Variants in PRKN observed in about 807,000 individuals in gnomAD.
The protein encoded by PRKN is E3 ubiquitin-protein ligase parkin.
In PRKN, 56 loss-of-function variants were observed where a neutral mutation model predicts 59.5. The ratio of observed to expected loss-of-function variants is 0.94; its 90% CI spans 0.76 to 1.18. The LOEUF (loss-of-function observed/expected upper bound fraction) is 1.18, where lower values mean the gene tolerates loss of function less well. Ranked by LOEUF, PRKN falls within the 50% of genes most tolerant of loss-of-function variation. PRKN has a pLI of 0.00. For synonymous variants in PRKN, 250 were observed against 222.1 expected, an observed-to-expected ratio of 1.13 and a Z score of -1.12; for missense variants, 657 against 596.4, an observed-to-expected ratio of 1.10 and a Z score of -1.06.
intron 1 of PRKN, among the ~76,000 whole-genome samples, chr6:162,578,541 AT>A (rs1192440193): frequency 6.6e-6 from 1 of 152,242 alleles, no homozygotes; most frequent in East Asian, 1.9e-4. Context: ...AGGACAATGT[AT>A]TTAGGAAAAT....
At position 161,357,506 on chromosome 6, in the gene PRKN, G is replaced by T. The variant is rs1784809367; in HGVS notation, c.1285+2582C>A. On this transcript the variant is annotated intron_variant, in intron 11 of 11. Coordinates refer to ENST00000366898, the MANE Select transcript of PRKN (RefSeq NM_004562.3). This position sits in a 1 kb window ranked among gnomAD's most constrained non-coding sequence, Gnocchi z 5.5. ...GTGGGAACATGGGTGGGTGTTTAAG[G>T]ATCCCCTTTCCCTCCCCACTGCAGA... Among the ~76,000 whole-genome samples, 1 of 152,144 alleles carries T rather than the reference G, an allele frequency of 6.6e-6. No individual in the cohort carries two copies. Among genetic ancestry groups the T allele is most frequent in the African/African-American group, 2.4e-5 (1 of 41,418 alleles).
At chr6:161,796,073 G>A (rs768668837) in intron 6 of PRKN, among the ~76,000 whole-genome samples, 2 of 152,056 alleles carry the variant, frequency 1.3e-5, no homozygotes, top group Non-Finnish European at 2.9e-5. Context: ...GGGTTCCATT[G>A]TTTACAACAT....
intron 7 of PRKN, among the ~76,000 whole-genome samples, chr6:161,619,691 A>ACTG (rs1782823005): frequency 6.6e-6 from 1 of 152,134 alleles, no homozygotes; most frequent in Admixed American, 6.5e-5. Context: ...GGTCTCTGAG[A>ACTG]CAGCAGAGTC....
intron 2 of PRKN, among the ~76,000 whole-genome samples, chr6:162,356,747 T>TA (rs748212596): frequency 0.032 from 2,307 of 72,988 alleles, 37 homozygotes; most frequent in African/African-American, 0.05. Context: ...TGATTATTAG[T>TA]AAAAAAAAAA....
chr6:162,536,872 G>A (rs1778742292), intron 1 of PRKN, among the ~76,000 whole-genome samples: 1 of 152,130 alleles, frequency 6.6e-6, no homozygotes, highest in Non-Finnish European at 1.5e-5. Context: ...AAGATGCATT[G>A]ATTTCTTTCT....
chr6:162,377,759 A>G (rs938687815), intron 2 of PRKN, among the ~76,000 whole-genome samples: 6 of 152,192 alleles, frequency 3.9e-5, no homozygotes, highest in African/African-American at 1.2e-4. Flanking sequence ...CGGGAGAGTA[A>G]GAGGACAGCA....
chr6:162,309,385 G>A (rs375662872), intron 2 of PRKN, among the ~76,000 whole-genome samples: 3 of 152,152 alleles, frequency 2.0e-5, no homozygotes, highest in African/African-American at 7.2e-5. Context: ...GGCTGTTCTC[G>A]AACTCCTGAC....
chr6:161,844,586 G>T (rs1793122960), intron 6 of PRKN, among the ~76,000 whole-genome samples: 1 of 152,196 alleles, frequency 6.6e-6, no homozygotes, highest in South Asian at 2.1e-4. Context: ...TTGTTTTATT[G>T]AATTTTAATT....
At chr6:161,853,967 C>T (rs1398401002) in intron 6 of PRKN, among the ~76,000 whole-genome samples, 2 of 151,778 alleles carry the variant, frequency 1.3e-5, no homozygotes, top group African/African-American at 4.8e-5. Context: ...AAAAATTGGC[C>T]CGGTATGGTG....
chr6:162,640,190 T>C (rs1270249274), intron 1 of PRKN, among the ~76,000 whole-genome samples: 2 of 152,096 alleles, frequency 1.3e-5, no homozygotes, highest in African/African-American at 4.8e-5. Flanking sequence ...AATCCATACA[T>C]AACTAGTCTT....
chr6:161,522,699 A>G (rs1037972980), intron 9 of PRKN, among the ~76,000 whole-genome samples: 7 of 152,218 alleles, frequency 4.6e-5, no homozygotes, highest in Admixed American at 1.3e-4. Flanking sequence ...GACCAAGGAT[A>G]ATAGAAAATG....
chr6:161,603,275 T>A (rs1562553542), intron 7 of PRKN, among the ~76,000 whole-genome samples: 1 of 152,248 alleles, frequency 6.6e-6, no homozygotes. Flanking sequence ...ACTCATTTCC[T>A]ATGATCGGCT....
chr6:162,375,405 G>GTT (rs1361938543), intron 2 of PRKN, among the ~76,000 whole-genome samples: 4 of 139,504 alleles, frequency 2.9e-5, no homozygotes, highest in Non-Finnish European at 3.1e-5. Flanking sequence ...ATCAACTCCT[G>GTT]TTTTTTTTTT....
intron 6 of PRKN, among the ~76,000 whole-genome samples, chr6:161,807,002 C>T (rs543922836): frequency 1.7e-4 from 26 of 152,242 alleles, no homozygotes; most frequent in African/African-American, 6.3e-4. Flanking sequence ...TACCGATTTC[C>T]AAAAAGGTTG....
intron 2 of PRKN, among the ~76,000 whole-genome samples, chr6:162,371,708 C>T (rs1006083247): frequency 4.6e-5 from 7 of 152,136 alleles, no homozygotes. Context: ...GTGTACACTG[C>T]CTAAGAATCC....
intron 3 of PRKN, among the ~76,000 whole-genome samples, chr6:162,228,766 G>C (rs1778296017): frequency 6.6e-6 from 1 of 151,978 alleles, no homozygotes; most frequent in African/African-American, 2.4e-5. Flanking sequence ...TTTACATATT[G>C]GTTTACAAAC....
chr6:161,513,723 A>C (rs1446201231), intron 9 of PRKN, among the ~76,000 whole-genome samples: 1 of 152,076 alleles, frequency 6.6e-6, no homozygotes, highest in Non-Finnish European at 1.5e-5. Flanking sequence ...TTTTTAACTT[A>C]AGAATGACTT....
At chr6:162,201,943 TTCTC>T (rs1784749346) in intron 3 of PRKN, among the ~76,000 whole-genome samples, 1 of 152,138 alleles carries the variant, frequency 6.6e-6, no homozygotes, top group Admixed American at 6.6e-5. Flanking sequence ...CTCAGATCAT[TTCTC>T]TCAACTGTCA....
intron 1 of PRKN, among the ~76,000 whole-genome samples, chr6:162,646,034 C>A (rs558620803): frequency 2.0e-5 from 3 of 152,016 alleles, no homozygotes; most frequent in East Asian, 2.0e-4. Flanking sequence ...GCCACCACGC[C>A]TGGCTAATTT....
Sources: allele counts gnomAD v4.1 joint callset (sites outside exome capture counted in the v4.1 genomes callset), GRCh38; gene constraint gnomAD v4.1.1; non-coding constraint Gnocchi (gnomAD v3.1); transcripts MANE v1.5; gene names NCBI Gene and HGNC (gene_info 2026-07-23, HGNC 2026-07-21).